Variants in IL18RAP observed in about 807,000 individuals in gnomAD.
The protein encoded by IL18RAP is interleukin 18 receptor accessory protein.
In IL18RAP, 37 loss-of-function variants were observed where a neutral mutation model predicts 58.1. The observed-to-expected ratio is 0.64, with a 90% CI of 0.49 to 0.84. The LOEUF is 0.84. Among genes scored for constraint, IL18RAP ranks in the 40% least tolerant of loss-of-function variants. The probability of loss-of-function intolerance (pLI) is 0.00; values close to 1 mark genes in which losing one functional copy is unlikely to be tolerated. For synonymous variants in IL18RAP, 268 were observed against 257.5 expected (o/e 1.04, Z -0.39); for missense variants, 667 against 704.8 (o/e 0.95, Z 0.61).
At chr2:102,445,161 T>C in intron 6 of IL18RAP, 28 bp from the exon 7 acceptor site, 1 of 1,606,218 alleles carries the variant, frequency 6.2e-7, no homozygotes, top group Non-Finnish European at 8.5e-7. Flanking sequence ...TGTTACTGAA[T>C]GGAGTGGTAT....
intron 8 of IL18RAP, among the ~76,000 whole-genome samples, chr2:102,448,582 G>A (rs1237663549): frequency 6.6e-6 from 1 of 152,134 alleles, no homozygotes; most frequent in African/African-American, 2.4e-5. Context: ...TTACTGAGAG[G>A]CCCCTCCAAA....
chr2:102,424,317 A>C lies in IL18RAP; in HGVS notation c.482A>C (p.His161Pro), dbSNP rs764709618. 1.2e-6 allele frequency: 2 copies of C among 1,614,128 alleles called. No homozygotes were observed. The highest frequency in any genetic ancestry group is 2.2e-5 in the South Asian group (2 of 91,090). ...GCATCCTGTGAGTATTCCGCATCAC[A>C]TAAGCAAGACCTACTTCTTGGGAGC... ...TNASCEYSASHKQDLLLGSTG... is the reference protein window; with the variant it reads ...TNASCEYSASPKQDLLLGSTG... Residue 161 changes from histidine to proline, a missense_variant, in exon 3 of 10, where the codon CAT (histidine) becomes CCT (proline). Physicochemically the swap from His to Pro is moderately conservative, Grantham distance 77. Coordinates refer to ENST00000687160, the MANE Select transcript of IL18RAP (RefSeq NM_001393487.1).
chr2:102,439,705 G>A (rs1449760067), intron 4 of IL18RAP: 1 of 152,260 alleles, frequency 6.6e-6, no homozygotes, highest in African/African-American at 2.4e-5. Context: ...TTAGTGAATG[G>A]TGGTACCATT....
chr2:102,445,155 A>G (rs1342902309), intron 6 of IL18RAP, 34 bp from the exon 7 acceptor site: 1 of 1,601,516 alleles, frequency 6.2e-7, no homozygotes, highest in Non-Finnish European at 8.5e-7. Flanking sequence ...AATGTATGTT[A>G]CTGAATGGAG....
chr2:102,451,144 T>C, intron 9 of IL18RAP, 123 bp downstream of exon 9: 1 of 712,142 alleles, frequency 1.4e-6, no homozygotes, highest in Non-Finnish European at 2.2e-6. Flanking sequence ...GGTTAGAACA[T>C]CTTGGGCAAC....
At chr2:102,437,506 C>CTTTG in intron 4 of IL18RAP, 144 bp downstream of exon 4, 1 of 708,684 alleles carries the variant, frequency 1.4e-6, no homozygotes, top group Non-Finnish European at 2.1e-6. Context: ...TGTGGGCAAA[C>CTTTG]ATCAAAGTTG....
intron 3 of IL18RAP, among the ~76,000 whole-genome samples, chr2:102,436,787 G>A (rs1032726351): frequency 2.2e-5 from 3 of 135,052 alleles, no homozygotes; most frequent in African/African-American, 9.1e-5. Flanking sequence ...TTATATATAT[G>A]TGTGTGTATG....
chr2:102,451,034 T>G lies in IL18RAP; in HGVS notation c.1384+13T>G. 6.4e-7 allele frequency: 1 copy of G among 1,567,134 alleles called. No individual in the cohort carries two copies. ...GCTCCAGGAGGAGGTAAGTCCAACA[T>G]GTCAAGAAAAACTGCAGTGCAAAAA... On this transcript the variant is annotated intron_variant, in intron 9 of 9. Transcript: ENST00000687160.
chr2:102,438,245 G>A (rs548508057), intron 4 of IL18RAP, among the ~76,000 whole-genome samples: 2 of 152,178 alleles, frequency 1.3e-5, no homozygotes, highest in African/African-American at 4.8e-5. Context: ...ATTTAAATGT[G>A]GTCTAAGAAG....
chr2:102,428,324 C>T (rs1382636773), intron 3 of IL18RAP, among the ~76,000 whole-genome samples: 1 of 150,966 alleles, frequency 6.6e-6, no homozygotes, highest in African/African-American at 2.4e-5. Flanking sequence ...TCTTCCAATC[C>T]ATGGACACAG....
upstream of IL18RAP, among the ~76,000 whole-genome samples, chr2:102,419,156 G>A (rs1027447838): frequency 2.6e-5 from 4 of 152,096 alleles, no homozygotes; most frequent in Non-Finnish European, 4.4e-5. Flanking sequence ...AAATAAACCC[G>A]TTTAAAGTGC....
chr2:102,424,993 G>A (rs972500529), intron 3 of IL18RAP, among the ~76,000 whole-genome samples: 1 of 152,144 alleles, frequency 6.6e-6, no homozygotes, highest in Non-Finnish European at 1.5e-5. Context: ...ACATGTACGT[G>A]AACTCCCATA....
At chr2:102,430,480 G>C (rs1402900296) in intron 3 of IL18RAP, among the ~76,000 whole-genome samples, 2 of 151,982 alleles carry the variant, frequency 1.3e-5, no homozygotes, top group Non-Finnish European at 2.9e-5. Flanking sequence ...GCAGCATATA[G>C]CTGAATTTTT....
intron 3 of IL18RAP, among the ~76,000 whole-genome samples, chr2:102,427,965 G>A (rs990389079): frequency 6.9e-6 from 1 of 144,306 alleles, no homozygotes; most frequent in Non-Finnish European, 1.5e-5. Flanking sequence ...TTTCCCCATT[G>A]TGTGTTCTTG....
In IL18RAP at chr2:102,451,021, G is replaced by A; in HGVS notation, c.1384G>A (p.Val462Met). 1 of 1,582,938 alleles carries A rather than the reference G, an allele frequency of 6.3e-7. No individual in the cohort carries two copies. Among genetic ancestry groups the A allele is most frequent in the Non-Finnish European group, 8.6e-7 (1 of 1,166,698 alleles). The change falls in exon 9 of 10, where the codon GTG (valine) becomes ATG (methionine). Residue 462 changes from valine to methionine, a missense_variant and splice_region_variant. By Grantham distance (21) the Val-to-Met change is conservative (BLOSUM62 1). Coordinates refer to ENST00000687160, the MANE Select transcript of IL18RAP (RefSeq NM_001393487.1). ...LLERDVAPGG[V>M]YAEDIVSIIK... ...TGAAAGAGATGTGGCTCCAGGAGGA[G>A]GTAAGTCCAACATGTCAAGAAAAAC...
chr2:102,438,268 A>G (rs559206273), intron 4 of IL18RAP, among the ~76,000 whole-genome samples: 12 of 152,186 alleles, frequency 7.9e-5, no homozygotes, highest in African/African-American at 2.9e-4. Flanking sequence ...AAAACATAAG[A>G]CAGCCAGTCA....
intron 7 of IL18RAP, among the ~76,000 whole-genome samples, chr2:102,446,795 C>CAAAA (rs749884501): frequency 1.7e-5 from 2 of 119,750 alleles, no homozygotes; most frequent in African/African-American, 6.1e-5. Context: ...ACTCCGTCTC[C>CAAAA]AAAAAAAAAA....
At position 102,447,116 on chromosome 2, in the gene IL18RAP, C is replaced by T. The variant is rs770463002; in HGVS notation, c.1119C>T (p.Ala373=). ...TTGGCACCATCGGGACCCTGGTGGC[C>T]GTGCTGGCGGCGAGTGCCCTCCTCT... ...ILLGTIGTLV[A]VLAASALLYR... Residue 373 remains alanine (A), a synonymous_variant, in exon 8 of 10, where the codon GCC becomes GCT. Transcript: ENST00000687160. 3.7e-6 allele frequency: 6 copies of T among 1,614,066 alleles called. No homozygotes were observed. Among genetic ancestry groups the T allele is most frequent in the Non-Finnish European group, 5.1e-6 (6 of 1,180,000 alleles).
At chr2:102,446,594 T>C (rs1246412711) in intron 7 of IL18RAP, among the ~76,000 whole-genome samples, 1 of 152,108 alleles carries the variant, frequency 6.6e-6, no homozygotes, top group Non-Finnish European at 1.5e-5. Flanking sequence ...AGAATAATGG[T>C]ATCCACCATC....
Sources: allele counts gnomAD v4.1 joint callset (sites outside exome capture counted in the v4.1 genomes callset), GRCh38; gene constraint gnomAD v4.1.1; transcripts MANE v1.5; gene names NCBI Gene and HGNC (gene_info 2026-07-23, HGNC 2026-07-21).